ANKRD16: variants seen among roughly 807,000 people sequenced by gnomAD.
The protein encoded by ANKRD16 is ankyrin repeat domain-containing protein 16.
A neutral mutation model predicts 37.9 loss-of-function variants in ANKRD16; 35 were observed. That is an observed-to-expected ratio of 0.92 (90% confidence interval 0.71 to 1.23). ANKRD16 has a LOEUF of 1.23. Among genes scored for constraint, ANKRD16 ranks in the 50% most tolerant of loss-of-function variants. The pLI is 0.00. For missense variants in ANKRD16, 480 were observed against 469.9 expected, an observed-to-expected ratio of 1.02 and a Z score of -0.20; for synonymous variants, 206 against 197.2, an observed-to-expected ratio of 1.04 and a Z score of -0.37.
In ANKRD16 at chr10:5,883,107, C is replaced by T; in HGVS notation, c.748G>A (p.Gly250Arg). Reference protein sequence around the residue: ...AQALHRAAVTGQDEAIRFLVS... With the variant: ...AQALHRAAVTRQDEAIRFLVS... ...AAGAATCGGATGGCTTCGTCCTGCC[C>T]TGTGACAGCTGCCCTGTGCAGAGCC... is the stretch of plus-strand genomic sequence containing the variant. The change falls in exon 5 of 8, where the codon GGG (glycine) becomes AGG (arginine). Residue 250 changes from glycine to arginine, a missense_variant. By Grantham distance (125) the Gly-to-Arg change is moderately radical (BLOSUM62 -2). Transcript: ENST00000380094. The T allele has an allele frequency of 1.2e-6, 2 of 1,614,116 alleles. No individual in the cohort carries two copies. Among genetic ancestry groups the T allele is most frequent in the Non-Finnish European group, 1.7e-6 (2 of 1,180,038 alleles).
rs568115828 is a variant in ANKRD16 at position 5,866,171 on chromosome 10, T to C, written c.*34-3480A>G. Among the ~76,000 whole-genome samples, 2 of 152,314 alleles carry C rather than the reference T, an allele frequency of 1.3e-5. No homozygotes were observed. The highest frequency in any genetic ancestry group is 1.9e-4 in the East Asian group (1 of 5,184). ...TACCTAGATACCAGGCACTACTCCT[T>C]GAGGGACCAGTGCTTCAAATACATA... On this transcript the variant is annotated intron_variant, in intron 7 of 7. Coordinates refer to ENST00000380094, the MANE Select transcript of ANKRD16 (RefSeq NM_019046.3). This position sits in a 1 kb window ranked among gnomAD's most constrained non-coding sequence, Gnocchi z 4.3.
intron 4 of ANKRD16, 126 bp downstream of exon 4, chr10:5,883,843 C>CAG: frequency 4.1e-6 from 3 of 739,140 alleles, no homozygotes; most frequent in Non-Finnish European, 6.6e-6. Flanking sequence ...CACCAAGTTC[C>CAG]AGAGAGAGAG....
intron 2 of ANKRD16, among the ~76,000 whole-genome samples, 157 bp downstream of exon 2, chr10:5,887,690 C>T (rs1382802628): frequency 7.3e-6 from 1 of 137,150 alleles, no homozygotes; most frequent in Non-Finnish European, 1.6e-5. Flanking sequence ...CGCGCCCCCG[C>T]CCCCACCCCC....
intron 1 of ANKRD16, among the ~76,000 whole-genome samples, chr10:5,888,311 A>G (rs566336410): frequency 1.3e-5 from 2 of 152,216 alleles, no homozygotes; most frequent in Non-Finnish European, 2.9e-5. Flanking sequence ...CCTGGGAGAC[A>G]AAGCAGCTTA....
rs1221680381 is a variant in ANKRD16 at position 5,865,803 on chromosome 10, A to G, written c.*34-3112T>C. ...TTGTCCCCTGCTTGAGGAGGGAATCAACCCTGAAGTCTGGGCATTGGAAGG... is the reference window on the plus strand; with the variant it reads ...TTGTCCCCTGCTTGAGGAGGGAATCGACCCTGAAGTCTGGGCATTGGAAGG... On this transcript the variant is annotated intron_variant, in intron 7 of 7. Coordinates refer to ENST00000380094, the MANE Select transcript of ANKRD16 (RefSeq NM_019046.3). This position sits in a 1 kb window ranked among gnomAD's most constrained non-coding sequence, Gnocchi z 4.7. 2.6e-5 allele frequency among the ~76,000 whole-genome samples: 4 copies of G among 152,164 alleles called. No homozygotes were observed. The highest frequency in any genetic ancestry group is 5.9e-5 in the Non-Finnish European group (4 of 68,034).
rs1437156229 is a variant in ANKRD16, at chr10:5,864,017, C to T, written c.*34-1326G>A. ...AAAAGAGGTGGCTCATTTTTTTCTGCACTACAGCCTGGCCCCAATATTCTC... is the reference window on the plus strand; with the variant it reads ...AAAAGAGGTGGCTCATTTTTTTCTGTACTACAGCCTGGCCCCAATATTCTC... On this transcript the variant is annotated intron_variant, in intron 7 of 7. Coordinates refer to ENST00000380094, the MANE Select transcript of ANKRD16 (RefSeq NM_019046.3). This position sits in a 1 kb window ranked among gnomAD's most constrained non-coding sequence, Gnocchi z 4.4. Among the ~76,000 whole-genome samples the T allele has an allele frequency of 1.3e-5, 2 of 152,054 alleles. No individual in the cohort carries two copies. The highest frequency in any genetic ancestry group is 2.9e-5 in the Non-Finnish European group (2 of 68,018).
intron 7 of ANKRD16, among the ~76,000 whole-genome samples, chr10:5,876,972 TA>T (rs1295513459): frequency 1.3e-5 from 2 of 152,240 alleles, no homozygotes; most frequent in Non-Finnish European, 2.9e-5. Flanking sequence ...TTTTTAAAGC[TA>T]AATGTCAAGT....
In ANKRD16 at chr10:5,889,580, G is replaced by A. The variant is rs1842561227; in HGVS notation, c.-226C>T. On this transcript the variant is annotated 5_prime_UTR_variant, in exon 1 of 8. Transcript: ENST00000380094. ...AGGCGGGCTGCCCCCTCACAGCCCCGGCCTGCCCCGCGTGGGAGAAGCCGC... is the reference window on the plus strand; with the variant it reads ...AGGCGGGCTGCCCCCTCACAGCCCCAGCCTGCCCCGCGTGGGAGAAGCCGC... The A allele has an allele frequency of 4.1e-6, 1 of 244,632 alleles. No homozygotes were observed. Among genetic ancestry groups the A allele is most frequent in the South Asian group, 1.7e-4 (1 of 5,734 alleles). The allele number at this position is 244,632 out of a possible 1,614,324, so 15.2% of individuals were successfully genotyped here.
chr10:5,865,360 A>G lies in ANKRD16; in HGVS notation c.*34-2669T>C, dbSNP rs528651993. On this transcript the variant is annotated intron_variant, in intron 7 of 7. Transcript: ENST00000380094. The surrounding 1 kb of genome is among the most constrained non-coding windows in gnomAD (Gnocchi z 4.7). The stretch of plus-strand genomic sequence containing the variant: ...GAAGCCCCCAACCAGATGATCCAAC[A>G]ACAGGACCGAGGGTGCCCAGGGCAA... 6.6e-6 allele frequency among the ~76,000 whole-genome samples: 1 copy of G among 152,340 alleles called. No homozygotes were observed. Among genetic ancestry groups the G allele is most frequent in the Non-Finnish European group, 1.5e-5 (1 of 68,024 alleles).
In ANKRD16 at chr10:5,869,816, A is replaced by G. The variant is rs1165545630; in HGVS notation, c.*34-7125T>C. 6.6e-6 allele frequency among the ~76,000 whole-genome samples: 1 copy of G among 151,830 alleles called. No homozygotes were observed. Among genetic ancestry groups the G allele is most frequent in the Non-Finnish European group, 1.5e-5 (1 of 67,974 alleles). On this transcript the variant is annotated intron_variant, in intron 7 of 7. Coordinates refer to ENST00000380094, the MANE Select transcript of ANKRD16 (RefSeq NM_019046.3). The surrounding 1 kb of genome is among the most constrained non-coding windows in gnomAD (Gnocchi z 4.0). ...GAATCTGCATCTTTAATAGTTTCTA[A>G]TTTCAACTTTTATTTTAAATACAGG...
intron 7 of ANKRD16, among the ~76,000 whole-genome samples, chr10:5,877,791 A>G (rs1842208017): frequency 6.6e-6 from 1 of 152,228 alleles, no homozygotes; most frequent in African/African-American, 2.4e-5. Flanking sequence ...TGTGTATGCT[A>G]TATTATATTC....
In ANKRD16 at chr10:5,883,109, G is replaced by A. The variant is rs2131775794; in HGVS notation, c.746C>T (p.Thr249Ile). The A allele has an allele frequency of 6.2e-7, 1 of 1,614,098 alleles. No individual in the cohort carries two copies. The highest frequency in any genetic ancestry group is 8.5e-7 in the Non-Finnish European group (1 of 1,180,038). ...GAATCGGATGGCTTCGTCCTGCCCTGTGACAGCTGCCCTGTGCAGAGCCTG... is the reference window on the plus strand; with the variant it reads ...GAATCGGATGGCTTCGTCCTGCCCTATGACAGCTGCCCTGTGCAGAGCCTG... ...GAQALHRAAV[T>I]GQDEAIRFLV... Residue 249 changes from threonine (T) to isoleucine (I), a missense_variant, in exon 5 of 8, where the codon ACA (threonine) becomes ATA (isoleucine). Coordinates refer to ENST00000380094, the MANE Select transcript of ANKRD16 (RefSeq NM_019046.3).
At chr10:5,867,653 C>T (rs1458799549) in intron 7 of ANKRD16, among the ~76,000 whole-genome samples, 4 of 152,138 alleles carry the variant, frequency 2.6e-5, no homozygotes, top group Non-Finnish European at 4.4e-5. Context: ...TATCAGCGCC[C>T]CTCAAAGCTC....
intron 2 of ANKRD16, among the ~76,000 whole-genome samples, chr10:5,887,405 T>C (rs1842442996): frequency 6.8e-6 from 1 of 147,600 alleles, no homozygotes; most frequent in Non-Finnish European, 1.5e-5. Context: ...GGAGTTTTGC[T>C]CTTGTTGCCC....
rs1841994778 is a variant in ANKRD16, at chr10:5,865,123, T to G, written c.*34-2432A>C. ...CAGAGAAAGGCTGCAGCCTTAGTCA[T>G]GGCCCTCAGACAAACCAACCTTGGT... On this transcript the variant is annotated intron_variant, in intron 7 of 7. Coordinates refer to ENST00000380094, the MANE Select transcript of ANKRD16 (RefSeq NM_019046.3). This position sits in a 1 kb window ranked among gnomAD's most constrained non-coding sequence, Gnocchi z 4.7. Among the ~76,000 whole-genome samples the G allele has an allele frequency of 1.3e-5, 2 of 152,168 alleles. No homozygotes were observed. The highest frequency in any genetic ancestry group is 1.3e-4 in the Admixed American group (2 of 15,284).
chr10:5,874,036 G>A lies in ANKRD16; in HGVS notation c.*33+4061C>T, dbSNP rs372598209. On this transcript the variant is annotated intron_variant, in intron 7 of 7. Transcript: ENST00000380094. The surrounding 1 kb of genome is among the most constrained non-coding windows in gnomAD (Gnocchi z 4.7). ...CTCCCAAGTAGCTGGGATTACAGGC[G>A]GGTGCCACCACGCCTGGCTAATTTT... Among the ~76,000 whole-genome samples, 5 of 152,066 alleles carry A rather than the reference G, an allele frequency of 3.3e-5. No individual in the cohort carries two copies. The highest frequency in any genetic ancestry group is 9.7e-5 in the African/African-American group (4 of 41,440).
Position 5,883,145 on chromosome 10 carries a change from C to A in ANKRD16, c.710G>T (p.Ser237Ile). The change falls in exon 5 of 8, where the codon AGC becomes ATC. Residue 237 changes from serine to isoleucine, a missense_variant. Coordinates refer to ENST00000380094, the MANE Select transcript of ANKRD16 (RefSeq NM_019046.3). ...EHGACLSAED[S>I]LGAQALHRAA... is the part of the protein sequence containing the mutation. The stretch of plus-strand genomic sequence containing the variant: ...CCTGTGCAGAGCCTGGGCACCCAGG[C>A]TGTCTTCTGCTGAAAGGCAAGCCTA... The A allele has an allele frequency of 1.2e-6, 2 of 1,613,886 alleles. No individual in the cohort carries two copies. The highest frequency in any genetic ancestry group is 1.7e-6 in the Non-Finnish European group (2 of 1,180,018).
rs1842346827 is a variant in ANKRD16 at position 5,883,087 on chromosome 10, T to C, written c.768A>G (p.Arg256=). 1.9e-6 allele frequency: 3 copies of C among 1,614,032 alleles called. No homozygotes were observed. The highest frequency in any genetic ancestry group is 1.1e-5 in the South Asian group (1 of 91,072). ...CGACGCCAAGTTCAGAGACCAAGAA[T>C]CGGATGGCTTCGTCCTGCCCTGTGA... ...AAVTGQDEAI[R]FLVSELGVDV... is the part of the protein sequence containing the mutation. The change falls in exon 5 of 8, where the codon CGA becomes CGG. Residue 256 remains arginine (R), a synonymous_variant. Transcript: ENST00000380094.
chr10:5,880,304 G>A lies in ANKRD16; in HGVS notation c.922C>T (p.Arg308Ter), dbSNP rs774806484. Residue 308 changes from arginine (R) to a stop codon, truncating the protein, a stop_gained, in exon 6 of 8, where the codon CGA (arginine) becomes TGA (stop). Transcript: ENST00000380094. LOFTEE classifies it high-confidence loss of function. ...ADINSKDEKN[R>*]SALHLACAGQ... The stretch of plus-strand genomic sequence containing the variant: ...ATATAAAATTAAACGGTACCTGATC[G>A]ATTTTTTTCATCTTTAGAATTGATG... The A allele has an allele frequency of 2.5e-6, 4 of 1,590,636 alleles. No individual in the cohort carries two copies. Among genetic ancestry groups the A allele is most frequent in the South Asian group, 1.1e-5 (1 of 88,218 alleles).
Sources: allele counts gnomAD v4.1 joint callset (sites outside exome capture counted in the v4.1 genomes callset), GRCh38; gene constraint gnomAD v4.1.1; non-coding constraint Gnocchi (gnomAD v3.1); transcripts MANE v1.5; gene names NCBI Gene and HGNC (gene_info 2026-07-23, HGNC 2026-07-21).